The following CAP2 variants were observed in gnomAD, a reference collection of about 807,000 sequenced individuals.
The protein encoded by CAP2 is cyclase associated actin cytoskeleton regulatory protein 2.
Under a neutral mutation model 57.7 loss-of-function variants are expected in CAP2, and 24 were observed. That is an observed-to-expected ratio of 0.42 (90% CI 0.30 to 0.58). The LOEUF (loss-of-function observed/expected upper bound fraction) is 0.58. CAP2 is among the 20% of genes least tolerant of loss of function. The pLI, the probability that CAP2 is intolerant of heterozygous loss-of-function variation, is 0.22. For missense variants in CAP2, 501 were observed against 590.3 expected (o/e 0.85, Z 1.57); for synonymous variants, 194 against 207.2 (o/e 0.94, Z 0.55).
intron 7 of CAP2, 54 bp downstream of exon 7, chr6:17,514,008 C>A: frequency 9.7e-7 from 1 of 1,033,310 alleles, no homozygotes; most frequent in Non-Finnish European, 1.5e-6. Flanking sequence ...ACTATATATA[C>A]ACCCTGTGGC....
chr6:17,556,442 A>T lies in CAP2; in HGVS notation c.1434A>T (p.Ter478TyrextTer10), dbSNP rs1763317472. The T allele has an allele frequency of 6.2e-7, 1 of 1,606,124 alleles. No individual in the cohort carries two copies. Among genetic ancestry groups the T allele is most frequent in the Non-Finnish European group, 8.5e-7 (1 of 1,172,850 alleles). The change falls in exon 13 of 13, where the codon TAA (stop) becomes TAT (tyrosine). Residue 478 changes from the stop codon to tyrosine (Y), a stop_lost. Transcript: ENST00000229922. ...CTGAACCTGCAGAAATTATGGCCTA[A>T]CTTCCTGAGAGACCGAACCCCCTCA... ...LITEPAEIMA[*>Y]
chr6:17,472,072 CGCCTG>C (rs1761035250), intron 4 of CAP2, among the ~76,000 whole-genome samples: 2 of 90,532 alleles, frequency 2.2e-5, no homozygotes, highest in Non-Finnish European at 2.1e-5. Flanking sequence ...CGGTGGCTCA[CGCCTG>C]TAATCCCAGC....
intron 2 of CAP2, among the ~76,000 whole-genome samples, chr6:17,423,615 T>C (rs1332297373): frequency 2.0e-5 from 3 of 152,032 alleles, no homozygotes; most frequent in Non-Finnish European, 4.4e-5. Context: ...TATAGTATTA[T>C]TGAGTAAAGA....
chr6:17,511,771 G>T (rs953042671), intron 6 of CAP2, among the ~76,000 whole-genome samples: 6 of 152,094 alleles, frequency 3.9e-5, no homozygotes, highest in African/African-American at 9.7e-5. Flanking sequence ...TTCAATATAT[G>T]AATACAGCAA....
At chr6:17,423,583 A>C (rs557192534) in intron 2 of CAP2, among the ~76,000 whole-genome samples, 2 of 152,344 alleles carry the variant, frequency 1.3e-5, no homozygotes, top group Non-Finnish European at 1.5e-5. Context: ...AACAAAGTTA[A>C]AATCTAACTA....
chr6:17,502,477 C>A lies in CAP2; in HGVS notation c.301-4692C>A, dbSNP rs1172618724. Among the ~76,000 whole-genome samples the A allele has an allele frequency of 2.0e-5, 3 of 151,410 alleles. No individual in the cohort carries two copies. In the East Asian group the frequency reaches 5.8e-4, roughly 29 times the overall value. On this transcript the variant is annotated intron_variant, in intron 4 of 12. Transcript: ENST00000229922. Reference sequence around the variant, plus strand: ...AGCACTAATGTTTATTAGAGTTGTGCAAATAGCTGTTGTACTTAGTTCTGT... The same window carrying A: ...AGCACTAATGTTTATTAGAGTTGTGAAAATAGCTGTTGTACTTAGTTCTGT...
chr6:17,526,352 A>G (rs1371121150), intron 7 of CAP2, among the ~76,000 whole-genome samples: 1 of 152,006 alleles, frequency 6.6e-6, no homozygotes, highest in African/African-American at 2.4e-5. Flanking sequence ...TCCTGACCTC[A>G]GGTGATCCAA....
intron 11 of CAP2, among the ~76,000 whole-genome samples, chr6:17,551,209 T>C (rs187450216): frequency 8.6e-4 from 131 of 152,318 alleles, no homozygotes; most frequent in Admixed American, 1.7e-3. Context: ...ATTAATCTCT[T>C]AATTTTGTCT....
intron 4 of CAP2, among the ~76,000 whole-genome samples, chr6:17,466,943 T>A (rs1760882065): frequency 6.6e-6 from 1 of 152,204 alleles, no homozygotes; most frequent in South Asian, 2.1e-4. Flanking sequence ...AGTTACTAAA[T>A]AATGACTCAT....
At position 17,543,054 on chromosome 6, in the gene CAP2, C is replaced by T; in HGVS notation, c.1127-7C>T. On this transcript the variant is annotated splice_region_variant and splice_polypyrimidine_tract_variant and intron_variant, in intron 10 of 12. Transcript: ENST00000229922. ...TTGGTTTTTTGTTGTGTTTTTTCTCCCCACAGACAACTGTAAAAAACTCGG... is the reference window on the plus strand; with the variant it reads ...TTGGTTTTTTGTTGTGTTTTTTCTCTCCACAGACAACTGTAAAAAACTCGG... 1 of 1,613,402 alleles carries T rather than the reference C, an allele frequency of 6.2e-7. No individual in the cohort carries two copies. Among genetic ancestry groups the T allele is most frequent in the South Asian group, 1.1e-5 (1 of 91,034 alleles).
At chr6:17,430,784 G>T (rs140863341) in intron 3 of CAP2, among the ~76,000 whole-genome samples, 4 of 152,062 alleles carry the variant, frequency 2.6e-5, no homozygotes, top group African/African-American at 9.7e-5. Flanking sequence ...TGATCCACCC[G>T]CCTCAGCCTC....
intron 3 of CAP2, among the ~76,000 whole-genome samples, chr6:17,440,734 A>G (rs1270518831): frequency 5.3e-5 from 8 of 151,004 alleles, no homozygotes; most frequent in African/African-American, 7.4e-5. Flanking sequence ...GGTTTGTTAC[A>G]TATGTACTCA....
chr6:17,545,559 G>A (rs975133329), intron 11 of CAP2, among the ~76,000 whole-genome samples: 5 of 151,586 alleles, frequency 3.3e-5, no homozygotes, highest in African/African-American at 9.7e-5. Context: ...CATTTTTTTT[G>A]TATTATACTT....
At chr6:17,540,601 A>C (rs1047840263) in intron 8 of CAP2, among the ~76,000 whole-genome samples, 1 of 152,112 alleles carries the variant, frequency 6.6e-6, no homozygotes, top group Non-Finnish European at 1.5e-5. Flanking sequence ...AAAATACAAA[A>C]ATTAGCTAAG....
intron 1 of CAP2, among the ~76,000 whole-genome samples, chr6:17,399,150 G>A (rs1422260913): frequency 5.9e-5 from 9 of 152,262 alleles, no homozygotes; most frequent in East Asian, 3.9e-4. Flanking sequence ...TGCAACCTCC[G>A]CCTCCCAGGT....
In CAP2 at chr6:17,531,145, G is replaced by T; in HGVS notation, c.637-8124G>T. ...AAAGCCTCATCTGTCAAAGCAATTCGCTTCTTACTGATTTTGCCATAACCA... is the reference window on the plus strand; with the variant it reads ...AAAGCCTCATCTGTCAAAGCAATTCTCTTCTTACTGATTTTGCCATAACCA... On this transcript the variant is annotated intron_variant, in intron 7 of 12. Coordinates refer to ENST00000229922, the MANE Select transcript of CAP2 (RefSeq NM_006366.3). The T allele has an allele frequency of 3.9e-6, 3 of 762,832 alleles. No homozygotes were observed. The East Asian group carries it at 7.3e-5, about 19-fold the overall frequency. 47.3% of individuals were successfully genotyped at this position (762,832 alleles called of 1,614,324 possible).
At chr6:17,440,719 A>G (rs9396775) in intron 3 of CAP2, among the ~76,000 whole-genome samples, 96,868 of 150,446 alleles carry the variant, frequency 0.64, 32,956 homozygotes, top group East Asian at 0.86. Flanking sequence ...TGTGCACAAC[A>G]TGCAGGTTTG....
At chr6:17,416,213 T>C (rs1439977375) in intron 1 of CAP2, among the ~76,000 whole-genome samples, 1 of 150,878 alleles carries the variant, frequency 6.6e-6, no homozygotes, top group African/African-American at 2.4e-5. Context: ...AAATGAAATG[T>C]TGGGGACAAA....
In CAP2 at chr6:17,426,686, C is replaced by T. The variant is rs766565075; in HGVS notation, c.218C>T (p.Thr73Ile). The T allele has an allele frequency of 6.2e-6, 10 of 1,608,636 alleles. No individual in the cohort carries two copies. In the Admixed American group the frequency reaches 1.7e-4, roughly 27 times the overall value. ...NSRILAGDVETHAEMVHSAFQ... is the reference protein window; with the variant it reads ...NSRILAGDVEIHAEMVHSAFQ... ...AGGATCCTTGCTGGGGACGTGGAGA[C>T]CCATGTAAGTACTTTCCTCCCCTGT... Residue 73 changes from threonine to isoleucine, a missense_variant, in exon 3 of 13, where the codon ACC (threonine) becomes ATC (isoleucine). Physicochemically the swap from Thr to Ile is moderately conservative, Grantham distance 89. Coordinates refer to ENST00000229922, the MANE Select transcript of CAP2 (RefSeq NM_006366.3).
Sources: gnomAD v4.1 joint callset for allele counts (sites outside exome capture counted in the v4.1 genomes callset) on GRCh38, gnomAD v4.1.1 for gene constraint, MANE v1.5 for transcripts, NCBI Gene and HGNC (gene_info 2026-07-23, HGNC 2026-07-21) for gene names.